Variants in CR2 observed in about 807,000 individuals in gnomAD.
The protein encoded by CR2 is complement C3d receptor 2.
Under a neutral mutation model 123.0 loss-of-function variants are expected in CR2, and 96 were observed. The observed-to-expected ratio is 0.78, with a 90% confidence interval of 0.66 to 0.93. The LOEUF (loss-of-function observed/expected upper bound fraction) is 0.93. CR2 is among the 40% of genes least tolerant of loss of function. The pLI is 0.00. For synonymous variants in CR2, 484 were observed against 469.5 expected, an observed-to-expected ratio of 1.03 and a Z score of -0.40; for missense variants, 1,258 against 1,361.0, an observed-to-expected ratio of 0.92 and a Z score of 1.19.
In CR2 at chr1:207,454,731, G is replaced by A. The variant is rs41304115; in HGVS notation, c.58+255G>A. The A allele has an allele frequency of 0.023, 9,753 of 421,636 alleles. 154 individuals are homozygous for A. Among genetic ancestry groups the A allele is most frequent in the Non-Finnish European group, 0.033 (7,748 of 237,076 alleles). 26.1% of individuals were successfully genotyped at this position (421,636 alleles called of 1,614,324 possible). On this transcript the variant is annotated intron_variant, in intron 1 of 19. Transcript: ENST00000367057. The surrounding 1 kb of genome is among the most constrained non-coding windows in gnomAD (Gnocchi z 4.3). ...GGGCGCTGTCTGGTCGGCCCGGTGTGGCTGGCGGCGTGCGGGTGCTCGCGG... is the reference window on the plus strand; with the variant it reads ...GGGCGCTGTCTGGTCGGCCCGGTGTAGCTGGCGGCGTGCGGGTGCTCGCGG...
chr1:207,485,608 T>C (rs1658728605), intron 19 of CR2, 36 bp downstream of exon 19: 3 of 1,238,496 alleles, frequency 2.4e-6, no homozygotes, highest in Admixed American at 1.7e-5. Flanking sequence ...AATTTACATA[T>C]AAAATTTCCT....
intron 1 of CR2, among the ~76,000 whole-genome samples, chr1:207,458,498 G>T (rs969674862): frequency 6.6e-6 from 1 of 152,080 alleles, no homozygotes; most frequent in African/African-American, 2.4e-5. Context: ...TGACTTGATC[G>T]TGGACCATTC....
In CR2 at chr1:207,476,496, C is replaced by T. The variant is rs1023706697; in HGVS notation, c.2902+77C>T. The T allele has an allele frequency of 1.0e-5, 13 of 1,269,600 alleles. No homozygotes were observed. The African/African-American group carries it at 1.9e-4, about 19-fold the overall frequency. The allele number at this position is 1,269,600 out of a possible 1,614,324, so 78.6% of individuals were successfully genotyped here. Reference sequence around the variant, plus strand: ...GATATATTCAGTTGGGTACTTTCAACTTAAAATAGCCAAAGAAATGAATTA... The same window carrying T: ...GATATATTCAGTTGGGTACTTTCAATTTAAAATAGCCAAAGAAATGAATTA... On this transcript the variant is annotated intron_variant, in intron 15 of 19. Coordinates refer to ENST00000367057, the MANE Select transcript of CR2 (RefSeq NM_001006658.3).
chr1:207,455,412 A>T (rs1558185162), intron 1 of CR2, among the ~76,000 whole-genome samples: 1 of 152,260 alleles, frequency 6.6e-6, no homozygotes, highest in African/African-American at 2.4e-5. Flanking sequence ...CACAGATGAA[A>T]CTAAGCAAAG....
At chr1:207,458,059 A>AACACAC (rs59735642) in intron 1 of CR2, among the ~76,000 whole-genome samples, 12,691 of 122,472 alleles carry the variant, frequency 0.1, 800 homozygotes, top group Middle Eastern at 0.17. Context: ...TCAAGGCCAC[A>AACACAC]ACACACACAC....
chr1:207,467,316 A>G (rs866635009), intron 2 of CR2, among the ~76,000 whole-genome samples: 1 of 151,838 alleles, frequency 6.6e-6, no homozygotes, highest in Non-Finnish European at 1.5e-5. Context: ...ATGTATAAGT[A>G]GCTGCTAACA....
intron 1 of CR2, among the ~76,000 whole-genome samples, chr1:207,458,624 G>A (rs1657896709): frequency 6.6e-6 from 1 of 152,148 alleles, no homozygotes; most frequent in Non-Finnish European, 1.5e-5. Context: ...AATTTGCCTG[G>A]CTGCTTCCTT....
intron 1 of CR2, among the ~76,000 whole-genome samples, chr1:207,458,071 C>CACACACACACACACACAT (rs1558186057): frequency 1.3e-5 from 2 of 149,248 alleles, no homozygotes; most frequent in African/African-American, 5.0e-5. Context: ...CACACACACA[C>CACACACACACACACACAT]ACACACACAC....
rs568507355 is a variant in CR2 at position 207,472,974 on chromosome 1, C to T, written c.1773C>T (p.Pro591=). 2 of 1,613,990 alleles carry T rather than the reference C, an allele frequency of 1.2e-6. No homozygotes were observed. Among genetic ancestry groups the T allele is most frequent in the East Asian group, 2.2e-5 (1 of 44,878 alleles). The change falls in exon 10 of 20, where the codon CCC becomes CCT. Residue 591 remains proline (P), a synonymous_variant. Transcript: ENST00000367057. The part of the protein sequence containing the change: ...QERGTWSGPA[P]LCKLSLLAVQ... ...GAGGCACCTGGAGTGGCCCTGCTCCCCTGTGTAAACTTTCCCTCCTTGCTG... is the reference window on the plus strand; with the variant it reads ...GAGGCACCTGGAGTGGCCCTGCTCCTCTGTGTAAACTTTCCCTCCTTGCTG...
chr1:207,474,195 TATG>T, intron 12 of CR2, 43 bp from the exon 13 acceptor site: 1 of 1,405,774 alleles, frequency 7.1e-7, no homozygotes, highest in Non-Finnish European at 1.0e-6. Flanking sequence ...TTTGAAGAGA[TATG>T]ATATTGGGAA....
At chr1:207,455,242 C>T (rs1657804628) in intron 1 of CR2, among the ~76,000 whole-genome samples, 1 of 152,220 alleles carries the variant, frequency 6.6e-6, no homozygotes, top group Non-Finnish European at 1.5e-5. Context: ...ATTATCTCCA[C>T]GGTACCGTGC....
chr1:207,455,378 T>C (rs1657807945), intron 1 of CR2, among the ~76,000 whole-genome samples: 1 of 152,230 alleles, frequency 6.6e-6, no homozygotes, highest in South Asian at 2.1e-4. Flanking sequence ...TAACTGGCCT[T>C]CCACCTCACT....
chr1:207,475,320 C>T (rs1658407341), intron 14 of CR2, 104 bp downstream of exon 14: 2 of 1,247,154 alleles, frequency 1.6e-6, no homozygotes, highest in South Asian at 1.4e-5. Flanking sequence ...CATCTAAGAG[C>T]TAAGGCAGTT....
chr1:207,473,464 T>G, intron 10 of CR2, 81 bp from the exon 11 acceptor site: 1 of 1,412,328 alleles, frequency 7.1e-7, no homozygotes. Context: ...TTTCAGACTG[T>G]CTGTCCAATG....
At chr1:207,468,399 T>C (rs1214074899) in intron 2 of CR2, 128 bp from the exon 3 acceptor site, 2 of 858,550 alleles carry the variant, frequency 2.3e-6, no homozygotes, top group East Asian at 2.6e-5. Context: ...GTATATTATG[T>C]GTGGCCCAAG....
intron 14 of CR2, 120 bp from the exon 15 acceptor site, chr1:207,476,114 T>C: frequency 1.1e-6 from 1 of 873,942 alleles, no homozygotes; most frequent in Non-Finnish European, 1.9e-6. Flanking sequence ...ATGAATGTTT[T>C]TGGATACCAG....
Position 207,468,537 on chromosome 1 carries a change from C to G in CR2, c.456C>G (p.Leu152=), listed in dbSNP as rs533297833. 1.2e-6 allele frequency: 2 copies of G among 1,613,894 alleles called. No individual in the cohort carries two copies. The highest frequency in any genetic ancestry group is 8.5e-7 in the Non-Finnish European group (1 of 1,179,890). ...TATGTGTGTGTAAAGTTTTCCCTCT[C>G]GAGTGTCCAGCACTTCCTATGATCC... ...RLPTCVSVFP[L]ECPALPMIHN... Residue 152 remains leucine (L), a synonymous_variant, in exon 3 of 20, where the codon CTC becomes CTG. Coordinates refer to ENST00000367057, the MANE Select transcript of CR2 (RefSeq NM_001006658.3).
chr1:207,472,234 G>C (rs968271709), intron 9 of CR2, among the ~76,000 whole-genome samples: 2 of 151,820 alleles, frequency 1.3e-5, no homozygotes, highest in South Asian at 4.2e-4. Flanking sequence ...AGGCAACAGC[G>C]TGAGACTCCA....
rs374726618 is a variant in CR2, at chr1:207,464,175, C to T, written c.59-2351C>T. 5.9e-5 allele frequency among the ~76,000 whole-genome samples: 9 copies of T among 152,298 alleles called. No individual in the cohort carries two copies. In the East Asian group the frequency reaches 9.6e-4, roughly 16 times the overall value. On this transcript the variant is annotated intron_variant, in intron 1 of 19. Coordinates refer to ENST00000367057, the MANE Select transcript of CR2 (RefSeq NM_001006658.3). ...TGTGGTCTGGGGCGGGGACTGGTGA[C>T]CAGCTCATAGCTTTTCGGTTTTTAT...
Sources: gnomAD v4.1 joint callset for allele counts (sites outside exome capture counted in the v4.1 genomes callset) on GRCh38, gnomAD v4.1.1 for gene constraint, Gnocchi (gnomAD v3.1) non-coding constraint, MANE v1.5 for transcripts, NCBI Gene and HGNC (gene_info 2026-07-23, HGNC 2026-07-21) for gene names.